RBFOX1: variants seen among roughly 807,000 people sequenced by gnomAD.
The protein encoded by RBFOX1 is RNA binding fox-1 homolog 1, also known as RNA binding protein fox-1 homolog 1.
A neutral mutation model predicts 57.7 loss-of-function variants in RBFOX1; 8 were observed. The ratio of observed to expected loss-of-function variants is 0.14; its 90% CI spans 0.08 to 0.25. The LOEUF (loss-of-function observed/expected upper bound fraction) is 0.25, where lower values mean the gene tolerates loss of function less well. Ranked by LOEUF, RBFOX1 falls within the 10% of genes least tolerant of loss-of-function variation. The pLI is 1.00. For missense variants in RBFOX1, 611 were observed against 548.5 expected (o/e 1.11, Z -1.14); for synonymous variants, 326 against 222.4 (o/e 1.47, Z -4.15).
chr16:6,548,776 C>T (rs1267958619), intron 2 of RBFOX1, among the ~76,000 whole-genome samples: 3 of 151,960 alleles, frequency 2.0e-5, no homozygotes, highest in East Asian at 2.0e-4. Flanking sequence ...ACGTAGTCTT[C>T]GAGAAGTTAG....
chr16:6,930,455 G>T (rs2076318918), intron 3 of RBFOX1, among the ~76,000 whole-genome samples: 2 of 152,094 alleles, frequency 1.3e-5, no homozygotes, highest in Non-Finnish European at 2.9e-5. Context: ...TGTCACCCAG[G>T]CTGGAGCGCA....
chr16:5,893,243 T>G (rs186051554), intron 4 of RBFOX1, among the ~76,000 whole-genome samples: 2 of 152,198 alleles, frequency 1.3e-5, no homozygotes, highest in Non-Finnish European at 2.9e-5. Flanking sequence ...TGCACTCTGG[T>G]TTTAGCATAG....
chr16:6,030,797 C>T (rs1374637707), intron 1 of RBFOX1, among the ~76,000 whole-genome samples: 5 of 152,176 alleles, frequency 3.3e-5, no homozygotes, highest in African/African-American at 1.2e-4. Context: ...AAACATTTTC[C>T]TGGAGCACTA....
chr16:6,866,479 A>G (rs926805390), intron 3 of RBFOX1, among the ~76,000 whole-genome samples: 1 of 151,084 alleles, frequency 6.6e-6, no homozygotes, highest in African/African-American at 2.4e-5. Context: ...TAATGCAAAA[A>G]GTGTGTTTCA....
At chr16:5,729,396 C>CT (rs71142649) in intron 3 of RBFOX1, among the ~76,000 whole-genome samples, 3,394 of 111,340 alleles carry the variant, frequency 0.03, 60 homozygotes, top group Middle Eastern at 0.052. Context: ...TTTTTCTTTT[C>CT]TTTTTTTTTT....
intron 4 of RBFOX1, among the ~76,000 whole-genome samples, chr16:5,934,339 C>G (rs1329162111): frequency 1.3e-5 from 2 of 152,214 alleles, no homozygotes; most frequent in Non-Finnish European, 2.9e-5. Flanking sequence ...TTTATTATAT[C>G]TATTGTGCTT....
chr16:7,710,783 AG>A lies in RBFOX1; in HGVS notation c.*40del. 1 of 1,497,916 alleles carries A rather than the reference AG, an allele frequency of 6.7e-7. No individual in the cohort carries two copies. The allele number at this position is 1,497,916 out of a possible 1,614,324, so 92.8% of individuals were successfully genotyped here. A position where few individuals can be genotyped will look rare whatever the true frequency, so the allele number is the denominator to read the frequency against. ...TAAAAACCTTCCAATGTGGGGAGAA[AG>A]GAAGCTTTCCGAGGCCTGAGTATTG... On this transcript the variant is annotated 3_prime_UTR_variant, in exon 16 of 16. Coordinates refer to ENST00000550418, the MANE Select transcript of RBFOX1 (RefSeq NM_018723.4).
At chr16:6,994,240 A>G (rs2091936370) in intron 3 of RBFOX1, among the ~76,000 whole-genome samples, 1 of 152,194 alleles carries the variant, frequency 6.6e-6, no homozygotes, top group Admixed American at 6.5e-5. Flanking sequence ...AGGTTAAGCT[A>G]TGGAGAGCAC....
chr16:6,838,458 T>C (rs2093264517), intron 3 of RBFOX1, among the ~76,000 whole-genome samples: 1 of 152,192 alleles, frequency 6.6e-6, no homozygotes, highest in South Asian at 2.1e-4. Context: ...CTAGCCCTTT[T>C]CTAGAAATGT....
chr16:6,428,875 T>C (rs1048579063), intron 2 of RBFOX1, among the ~76,000 whole-genome samples: 3 of 152,236 alleles, frequency 2.0e-5, no homozygotes, highest in African/African-American at 7.2e-5. Context: ...TTTGTTTTAC[T>C]AGAGATTTAT....
At chr16:7,496,397 C>A (rs965119666) in intron 4 of RBFOX1, among the ~76,000 whole-genome samples, 1 of 152,198 alleles carries the variant, frequency 6.6e-6, no homozygotes, top group Non-Finnish European at 1.5e-5. Flanking sequence ...CCTGCCTTGG[C>A]CTCCCAAAGT....
intron 1 of RBFOX1, among the ~76,000 whole-genome samples, chr16:5,366,974 A>C (rs546513892): frequency 6.6e-6 from 1 of 152,360 alleles, no homozygotes; most frequent in African/African-American, 2.4e-5. Flanking sequence ...ACAAAAATAT[A>C]CATGTGAAAT....
At chr16:6,974,336 C>CTTTT (rs59299498) in intron 3 of RBFOX1, among the ~76,000 whole-genome samples, 29 of 58,668 alleles carry the variant, frequency 4.9e-4, no homozygotes, top group East Asian at 1.3e-3. Flanking sequence ...TTTTCTTTTT[C>CTTTT]TTTTTTTTTT....
intron 3 of RBFOX1, among the ~76,000 whole-genome samples, chr16:6,828,615 G>T (rs1034743066): frequency 6.6e-6 from 1 of 151,984 alleles, no homozygotes; most frequent in Non-Finnish European, 1.5e-5. Flanking sequence ...AGCTGGCTAA[G>T]ACCAAGTGGA....
rs931416443 is a variant in RBFOX1, at chr16:7,475,698, C to T, written c.28-42449C>T. Among the ~76,000 whole-genome samples, 5 of 152,272 alleles carry T rather than the reference C, an allele frequency of 3.3e-5. No individual in the cohort carries two copies. The South Asian group carries it at 8.3e-4, about 25-fold the overall frequency. ...GTTATAACTCTGGGTTTGCTGCTTG[C>T]CACATGAATGGCCTCGGACAAGTTA... is the stretch of plus-strand genomic sequence containing the variant. On this transcript the variant is annotated intron_variant, in intron 4 of 15. Coordinates refer to ENST00000550418, the MANE Select transcript of RBFOX1 (RefSeq NM_018723.4).
At chr16:5,892,953 T>A (rs1217400683) in intron 4 of RBFOX1, among the ~76,000 whole-genome samples, 1 of 152,122 alleles carries the variant, frequency 6.6e-6, no homozygotes, top group Non-Finnish European at 1.5e-5. Flanking sequence ...CTTCTCCCAA[T>A]GTTCAACGAA....
intron 1 of RBFOX1, among the ~76,000 whole-genome samples, chr16:6,238,550 A>T (rs1598686580): frequency 6.6e-6 from 1 of 152,092 alleles, no homozygotes; most frequent in East Asian, 1.9e-4. Flanking sequence ...GACCCAGATA[A>T]AGTGTCATTA....
intron 1 of RBFOX1, among the ~76,000 whole-genome samples, chr16:5,459,870 C>T (rs1414993353): frequency 6.6e-6 from 1 of 152,148 alleles, no homozygotes; most frequent in African/African-American, 2.4e-5. Flanking sequence ...TCGAGTCTCT[C>T]TCCTTCTCTT....
chr16:5,931,543 C>G (rs1432739850), intron 4 of RBFOX1, among the ~76,000 whole-genome samples: 1 of 152,168 alleles, frequency 6.6e-6, no homozygotes, highest in African/African-American at 2.4e-5. Flanking sequence ...CACATTCTGA[C>G]TTAATGTGTA....
Sources: gnomAD v4.1 joint callset for allele counts (sites outside exome capture counted in the v4.1 genomes callset) on GRCh38, gnomAD v4.1.1 for gene constraint, MANE v1.5 for transcripts, NCBI Gene and HGNC (gene_info 2026-07-23, HGNC 2026-07-21) for gene names.